DNAJC3: variants seen among roughly 807,000 people sequenced by gnomAD.
DNAJC3 encodes DnaJ heat shock protein family (Hsp40) member C3, also known as dnaJ homolog subfamily C member 3.
DNAJC3 carries 38 observed loss-of-function variants against 68.6 expected under a neutral mutation model. The observed-to-expected ratio is 0.55, with a 90% CI of 0.43 to 0.73. The LOEUF (loss-of-function observed/expected upper bound fraction) is 0.73. DNAJC3 is among the 30% of genes least tolerant of loss of function. The pLI, the probability that DNAJC3 is intolerant of heterozygous loss-of-function variation, is 0.00. For synonymous variants in DNAJC3, 203 were observed against 204.0 expected (o/e 1.00, Z 0.04); for missense variants, 526 against 591.9 (o/e 0.89, Z 1.16).
At chr13:95,762,372 T>C (rs1466779154) in intron 7 of DNAJC3, among the ~76,000 whole-genome samples, 4 of 152,126 alleles carry the variant, frequency 2.6e-5, no homozygotes, top group Admixed American at 6.5e-5. Flanking sequence ...TTGGCGTTTC[T>C]GCATTGCTGG....
rs1283731293 is a variant in DNAJC3, at chr13:95,794,330, G to GA, written c.*3306dup. The GA allele has an allele frequency of 1.3e-5, 2 of 152,150 alleles. No individual in the cohort carries two copies. Among genetic ancestry groups the GA allele is most frequent in the South Asian group, 2.1e-4 (1 of 4,828 alleles). 9.4% of individuals were successfully genotyped at this position (152,150 alleles called of 1,614,324 possible). ...AGAAGTTGTCTTTGACATTTACCAT[G>GA]AAAAAACTACATAAAATGGCTCCCT... On this transcript the variant is annotated 3_prime_UTR_variant, in exon 12 of 12. Transcript: ENST00000602402.
chr13:95,749,309 T>C (rs1017165504), intron 4 of DNAJC3, among the ~76,000 whole-genome samples: 2 of 152,218 alleles, frequency 1.3e-5, no homozygotes, highest in African/African-American at 4.8e-5. Context: ...TTCTTGTGTA[T>C]GTATGATCAT....
At chr13:95,686,035 C>T (rs1272184421) in intron 1 of DNAJC3, among the ~76,000 whole-genome samples, 1 of 151,158 alleles carries the variant, frequency 6.6e-6, no homozygotes, top group Non-Finnish European at 1.5e-5. Context: ...GATCTTGGCT[C>T]ACTGCAAGCT....
At chr13:95,740,530 C>G (rs953527126) in intron 4 of DNAJC3, among the ~76,000 whole-genome samples, 1 of 151,344 alleles carries the variant, frequency 6.6e-6, no homozygotes, top group Non-Finnish European at 1.5e-5. Flanking sequence ...GTTTTTTAAG[C>G]CCGTCGGAAA....
chr13:95,749,512 T>C (rs772005553), intron 4 of DNAJC3, among the ~76,000 whole-genome samples: 38 of 152,168 alleles, frequency 2.5e-4, no homozygotes, highest in Non-Finnish European at 4.4e-4. Context: ...TACTGACTTT[T>C]AGGATTCATG....
chr13:95,742,610 C>G (rs898581087), intron 4 of DNAJC3: 3 of 496,168 alleles, frequency 6.0e-6, no homozygotes, highest in Admixed American at 2.1e-5. Flanking sequence ...GGCTGCCTCA[C>G]TTCTCTCTTC....
At position 95,790,865 on chromosome 13, in the gene DNAJC3, C is replaced by T. The variant is rs371796110; in HGVS notation, c.1358-8C>T. The T allele has an allele frequency of 1.3e-6, 2 of 1,501,082 alleles. No individual in the cohort carries two copies. The highest frequency in any genetic ancestry group is 1.8e-6 in the Non-Finnish European group (2 of 1,110,584). 93.0% of individuals were successfully genotyped at this position (1,501,082 alleles called of 1,614,324 possible). ...TATCTGGTTCTTAATTTTCTGATTT[C>T]TTTCTAGAAATGAGAAAGAAGTTTG... On this transcript the variant is annotated splice_polypyrimidine_tract_variant and splice_region_variant and intron_variant, in intron 11 of 11. Coordinates refer to ENST00000602402, the MANE Select transcript of DNAJC3 (RefSeq NM_006260.5).
In DNAJC3 at chr13:95,789,329, C is replaced by T. The variant is rs147877774; in HGVS notation, c.1358-1544C>T. Among the ~76,000 whole-genome samples the T allele has an allele frequency of 9.0e-3, 1,366 of 152,296 alleles. 19 individuals are homozygous for T. The highest frequency in any genetic ancestry group is 0.031 in the African/African-American group (1,292 of 41,542). ...CTCCCACCCTTCACCCTCCAATAGG[C>T]CCCAGTGTGTGTTGTTCCCCTTTAT... On this transcript the variant is annotated intron_variant, in intron 11 of 11. Transcript: ENST00000602402.
At position 95,744,814 on chromosome 13, in the gene DNAJC3, C is replaced by G. The variant is rs962235876; in HGVS notation, c.394-12830C>G. Reference sequence around the variant, plus strand: ...AAGAAATACAAATTCAAAATCAGTGCATACAGTGCGCAGTCTTCCAAATGA... The same window carrying G: ...AAGAAATACAAATTCAAAATCAGTGGATACAGTGCGCAGTCTTCCAAATGA... On this transcript the variant is annotated intron_variant, in intron 4 of 11. Transcript: ENST00000602402. The G allele has an allele frequency of 3.3e-5, 5 of 152,114 alleles. No individual in the cohort carries two copies. In the East Asian group the frequency reaches 9.6e-4, roughly 29 times the overall value. 9.4% of individuals were successfully genotyped at this position (152,114 alleles called of 1,614,324 possible).
At chr13:95,681,837 T>C (rs1420696318) in intron 1 of DNAJC3, among the ~76,000 whole-genome samples, 1 of 152,224 alleles carries the variant, frequency 6.6e-6, no homozygotes, top group African/African-American at 2.4e-5. Context: ...TTTTAGACCT[T>C]GTCTTTACTG....
At chr13:95,691,010 C>T (rs1158691737) in intron 1 of DNAJC3, among the ~76,000 whole-genome samples, 31 of 140,650 alleles carry the variant, frequency 2.2e-4, no homozygotes, top group South Asian at 6.8e-4. Flanking sequence ...GCTGGCCGGG[C>T]GGGGGGCTGA....
chr13:95,764,029 T>C (rs1438226710), intron 9 of DNAJC3, 76 bp downstream of exon 9: 21 of 1,549,258 alleles, frequency 1.4e-5, no homozygotes, highest in Non-Finnish European at 1.7e-5. Context: ...TTCCTTTTCC[T>C]TAAAACAAAT....
chr13:95,689,103 A>T (rs917030704), intron 1 of DNAJC3, among the ~76,000 whole-genome samples: 1 of 148,510 alleles, frequency 6.7e-6, no homozygotes, highest in African/African-American at 2.5e-5. Context: ...GTTTCATAGA[A>T]TGAGTTAGGG....
Position 95,786,035 on chromosome 13 carries a change from A to G in DNAJC3, c.1172A>G (p.Gln391Arg). 6.2e-7 allele frequency: 1 copy of G among 1,609,252 alleles called. No homozygotes were observed. The highest frequency in any genetic ancestry group is 8.5e-7 in the Non-Finnish European group (1 of 1,178,408). The change falls in exon 10 of 12, where the codon CAG becomes CGG. Residue 391 changes from glutamine to arginine, a missense_variant. Transcript: ENST00000602402. ...EKAQRLLKQS[Q>R]KRDYYKILGV... ...GCACAAAGATTATTGAAACAGTCGC[A>G]GAAACGAGATTATTATAAAATCTTG...
intron 9 of DNAJC3, among the ~76,000 whole-genome samples, chr13:95,781,545 G>A (rs1414041356): frequency 2.6e-5 from 4 of 151,958 alleles, no homozygotes; most frequent in East Asian, 3.9e-4. Context: ...ATTACTTTTC[G>A]TCACTTCGGT....
At position 95,719,568 on chromosome 13, in the gene DNAJC3, G is replaced by A. The variant is rs147981506; in HGVS notation, c.194-3674G>A. ...CCCAGCTGGTGCCCAGCTACCAGCC[G>A]TTTCGTTAGTATACAAAAAAGTAAT... On this transcript the variant is annotated intron_variant, in intron 2 of 11. Coordinates refer to ENST00000602402, the MANE Select transcript of DNAJC3 (RefSeq NM_006260.5). Among the ~76,000 whole-genome samples the A allele has an allele frequency of 3.9e-5, 6 of 152,226 alleles. No individual in the cohort carries two copies. The South Asian group carries it at 6.2e-4, about 16-fold the overall frequency.
chr13:95,746,231 A>G (rs922391511), intron 4 of DNAJC3, among the ~76,000 whole-genome samples: 4 of 152,224 alleles, frequency 2.6e-5, no homozygotes, highest in South Asian at 2.1e-4. Context: ...GCAGAATAGG[A>G]TAGTTGCTAC....
intron 2 of DNAJC3, among the ~76,000 whole-genome samples, chr13:95,710,114 G>A (rs1329399243): frequency 6.6e-6 from 1 of 152,110 alleles, no homozygotes; most frequent in Non-Finnish European, 1.5e-5. Context: ...TCTTACTCAT[G>A]TCTGTCTGTA....
chr13:95,767,262 G>A (rs570014490), intron 9 of DNAJC3, among the ~76,000 whole-genome samples: 1 of 152,158 alleles, frequency 6.6e-6, no homozygotes, highest in African/African-American at 2.4e-5. Context: ...TCACATAATG[G>A]GAATCATATA....
Sources: allele counts gnomAD v4.1 joint callset (sites outside exome capture counted in the v4.1 genomes callset), GRCh38; gene constraint gnomAD v4.1.1; transcripts MANE v1.5; gene names NCBI Gene and HGNC (gene_info 2026-07-23, HGNC 2026-07-21).